LRP12: variants seen among roughly 807,000 people sequenced by gnomAD.
The protein encoded by LRP12 is low-density lipoprotein receptor-related protein 12.
Under a neutral mutation model 66.0 loss-of-function variants are expected in LRP12, and 14 were observed. The ratio of observed to expected loss-of-function variants is 0.21; its 90% confidence interval spans 0.14 to 0.33. LRP12 has a LOEUF of 0.33. Among genes scored for constraint, LRP12 ranks in the 10% least tolerant of loss-of-function variants. The pLI, the probability that LRP12 is intolerant of heterozygous loss-of-function variation, is 1.00. For missense variants in LRP12, 889 were observed against 1,053.4 expected, an observed-to-expected ratio of 0.84 and a Z score of 2.16; for synonymous variants, 357 against 359.1, an observed-to-expected ratio of 0.99 and a Z score of 0.07.
chr8:104,537,497 A>C (rs936620198), intron 1 of LRP12, among the ~76,000 whole-genome samples: 6 of 152,068 alleles, frequency 3.9e-5, no homozygotes, highest in Non-Finnish European at 8.8e-5. Flanking sequence ...AGCAAGAGAG[A>C]GCTCCAAAGT....
At position 104,489,339 on chromosome 8, in the gene LRP12, A is replaced by G. The variant is rs1810579584; in HGVS notation, c.*1334T>C. 1 of 152,590 alleles carries G rather than the reference A, an allele frequency of 6.6e-6. No individual in the cohort carries two copies. 9.5% of individuals were successfully genotyped at this position (152,590 alleles called of 1,614,324 possible). On this transcript the variant is annotated 3_prime_UTR_variant, in exon 7 of 7. Coordinates refer to ENST00000276654, the MANE Select transcript of LRP12 (RefSeq NM_013437.5). ...TGACAGCATTAACACAGACAAATAC[A>G]CAAGACTTCAAACATGCTTTAAAAT...
chr8:104,516,720 T>C (rs1453876897), intron 2 of LRP12, among the ~76,000 whole-genome samples: 1 of 152,122 alleles, frequency 6.6e-6, no homozygotes, highest in East Asian at 1.9e-4. Context: ...TTTAAAAAAT[T>C]GGCAGTGCTC....
chr8:104,559,939 G>C (rs941234499), intron 1 of LRP12, among the ~76,000 whole-genome samples: 8 of 151,954 alleles, frequency 5.3e-5, no homozygotes, highest in Non-Finnish European at 1.2e-4. Context: ...TTAGTTATTA[G>C]AACAAATATT....
intron 1 of LRP12, among the ~76,000 whole-genome samples, chr8:104,552,253 T>C (rs979681243): frequency 6.6e-6 from 1 of 151,542 alleles, no homozygotes; most frequent in Admixed American, 6.5e-5. Flanking sequence ...TTGTTGGGGA[T>C]GGGGATACCA....
chr8:104,553,046 C>T (rs934086410), intron 1 of LRP12, among the ~76,000 whole-genome samples: 32 of 152,192 alleles, frequency 2.1e-4, no homozygotes, highest in Admixed American at 5.9e-4. Flanking sequence ...TATAGGGGTA[C>T]AGGAAGCAGT....
chr8:104,511,446 C>T (rs4413742), intron 2 of LRP12, among the ~76,000 whole-genome samples: 93 of 151,940 alleles, frequency 6.1e-4, no homozygotes, highest in African/African-American at 1.9e-3. Context: ...AATTCTTGGG[C>T]GCAGGTGATC....
intron 2 of LRP12, among the ~76,000 whole-genome samples, chr8:104,516,960 T>C (rs1197201992): frequency 1.3e-5 from 2 of 151,924 alleles, no homozygotes; most frequent in African/African-American, 4.8e-5. Flanking sequence ...TGACAAAAAG[T>C]AGTTGAGACT....
chr8:104,497,856 G>T lies in LRP12; in HGVS notation c.696C>A (p.Cys232Ter), dbSNP rs2140833126. 2 of 1,614,192 alleles carry T rather than the reference G, an allele frequency of 1.2e-6. No homozygotes were observed. The highest frequency in any genetic ancestry group is 1.7e-6 in the Non-Finnish European group (2 of 1,180,032). Residue 232 changes from cysteine (C) to a stop codon, truncating the protein, a stop_gained, in exon 5 of 7, where the codon TGC (cysteine) becomes TGA (stop). Transcript: ENST00000276654. LOFTEE classifies it high-confidence loss of function. This position sits in a 1 kb window ranked among gnomAD's most constrained non-coding sequence, Gnocchi z 4.3. Reference sequence around the variant, plus strand: ...CATCACATTTTAAAGATTCGGGGAGGCAAGTGTAAACTTTGGTAAAACGGG... The same window carrying T: ...CATCACATTTTAAAGATTCGGGGAGTCAAGTGTAAACTTTGGTAAAACGGG... The part of the protein sequence containing the change: ...CLSRFTKVYT[C>*]LPESLKCDGN...
intron 2 of LRP12, among the ~76,000 whole-genome samples, chr8:104,525,003 G>C (rs891616406): frequency 6.6e-6 from 1 of 152,102 alleles, no homozygotes; most frequent in East Asian, 1.9e-4. Context: ...CTATGTAGCA[G>C]ATGAGCAGTA....
At chr8:104,499,244 G>C (rs1810786175) in intron 4 of LRP12, 73 bp downstream of exon 4, 1 of 1,181,494 alleles carries the variant, frequency 8.5e-7, no homozygotes, top group Non-Finnish European at 1.2e-6. Context: ...CTACTTAGAA[G>C]ATTAGCTCCG....
intron 3 of LRP12, 84 bp downstream of exon 3, chr8:104,508,855 T>A: frequency 8.0e-7 from 1 of 1,248,876 alleles, no homozygotes; most frequent in Non-Finnish European, 1.1e-6. Context: ...TCTTTTTATA[T>A]TACTGCATGT....
At chr8:104,588,556 A>T (rs947637704) in intron 1 of LRP12, among the ~76,000 whole-genome samples, 1 of 151,466 alleles carries the variant, frequency 6.6e-6, no homozygotes. Flanking sequence ...TCCGCCCGCC[A>T]CCCCCTCGCT....
intron 1 of LRP12, among the ~76,000 whole-genome samples, chr8:104,575,870 A>T (rs1033513847): frequency 6.6e-6 from 1 of 152,206 alleles, no homozygotes; most frequent in Non-Finnish European, 1.5e-5. Context: ...GAAGCTAAAA[A>T]TCATGATAAA....
At chr8:104,543,307 T>C (rs1307645896) in intron 1 of LRP12, among the ~76,000 whole-genome samples, 1 of 152,140 alleles carries the variant, frequency 6.6e-6, no homozygotes, top group Non-Finnish European at 1.5e-5. Context: ...TTGTCACATT[T>C]TGGCAATTCT....
At chr8:104,504,866 A>C (rs968099162) in intron 3 of LRP12, 1 of 152,208 alleles carries the variant, frequency 6.6e-6, no homozygotes, top group Non-Finnish European at 1.5e-5. Context: ...GTAATTAAGT[A>C]AATGAAATTT....
At chr8:104,526,277 A>G (rs1166496541) in intron 2 of LRP12, among the ~76,000 whole-genome samples, 1 of 152,140 alleles carries the variant, frequency 6.6e-6, no homozygotes, top group Non-Finnish European at 1.5e-5. Flanking sequence ...TATAGATTCA[A>G]TGCCATCCCC....
chr8:104,547,438 A>AT (rs1446806164), intron 1 of LRP12, among the ~76,000 whole-genome samples: 1 of 134,838 alleles, frequency 7.4e-6, no homozygotes, highest in African/African-American at 2.7e-5. Flanking sequence ...CAATTCTGTT[A>AT]TATTTTGTAT....
intron 1 of LRP12, among the ~76,000 whole-genome samples, chr8:104,537,045 A>G (rs149161878): frequency 6.6e-6 from 1 of 151,920 alleles, no homozygotes; most frequent in African/African-American, 2.4e-5. Context: ...GCTGTGAACA[A>G]TTAAGAAAAC....
intron 6 of LRP12, among the ~76,000 whole-genome samples, chr8:104,494,127 G>A (rs1417127240): frequency 6.6e-6 from 1 of 152,050 alleles, no homozygotes; most frequent in Non-Finnish European, 1.5e-5. Context: ...TGAAGTAGGT[G>A]TGTAAAATTA....
Sources: gnomAD v4.1 joint callset for allele counts (sites outside exome capture counted in the v4.1 genomes callset) on GRCh38, gnomAD v4.1.1 for gene constraint, Gnocchi (gnomAD v3.1) non-coding constraint, MANE v1.5 for transcripts, NCBI Gene and HGNC (gene_info 2026-07-23, HGNC 2026-07-21) for gene names.